ANK3: variants seen among roughly 807,000 people sequenced by gnomAD.
The protein encoded by ANK3 is ankyrin 3.
ANK3 carries 57 observed loss-of-function variants against 370.9 expected under a neutral mutation model. That is an observed-to-expected ratio of 0.15 (90% CI 0.12 to 0.19). The LOEUF (loss-of-function observed/expected upper bound fraction) is 0.19. Among genes scored for constraint, ANK3 ranks in the 10% least tolerant of loss-of-function variants. ANK3 has a pLI of 1.00. For synonymous variants in ANK3, 1,929 were observed against 1,946.3 expected, an observed-to-expected ratio of 0.99 and a Z score of 0.23; for missense variants, 4,439 against 5,302.1, an observed-to-expected ratio of 0.84 and a Z score of 5.06.
At chr10:60,694,734 G>C (rs2133408116) in intron 1 of ANK3, among the ~76,000 whole-genome samples, 1 of 151,998 alleles carries the variant, frequency 6.6e-6, no homozygotes, top group East Asian at 1.9e-4. Context: ...CCCTAAAAGA[G>C]CTCCCGAAGG....
intron 2 of ANK3, among the ~76,000 whole-genome samples, chr10:60,591,303 T>TTTTATTTTA (rs2077908459): frequency 7.3e-6 from 1 of 137,562 alleles, no homozygotes; most frequent in Admixed American, 7.4e-5. Flanking sequence ...TTTATTTTTA[T>TTTTATTTTA]TTTATTTATT....
intron 2 of ANK3, among the ~76,000 whole-genome samples, chr10:60,448,474 A>C (rs780360225): frequency 1.3e-5 from 2 of 152,208 alleles, no homozygotes; most frequent in African/African-American, 2.4e-5. Context: ...GGTTAGATGC[A>C]TTTTACTGAC....
intron 2 of ANK3, among the ~76,000 whole-genome samples, chr10:60,516,738 A>G (rs1270651036): frequency 1.3e-5 from 2 of 152,114 alleles, no homozygotes; most frequent in Admixed American, 6.6e-5. Context: ...GTGAATAGCC[A>G]CTGCACGCTA....
intron 42 of ANK3, chr10:60,044,648 T>C (rs1327578340): frequency 1.3e-5 from 2 of 152,198 alleles, no homozygotes; most frequent in African/African-American, 4.8e-5. Flanking sequence ...CTTCATATGT[T>C]GAGACAAATT....
intron 1 of ANK3, among the ~76,000 whole-genome samples, chr10:60,698,358 T>A (rs1407792526): frequency 6.6e-6 from 1 of 151,538 alleles, no homozygotes; most frequent in Admixed American, 6.6e-5. Flanking sequence ...TCCTCAGGGA[T>A]CTAGAACTAG....
chr10:60,559,076 T>C (rs2077274898), intron 2 of ANK3, among the ~76,000 whole-genome samples: 1 of 152,212 alleles, frequency 6.6e-6, no homozygotes, highest in South Asian at 2.1e-4. Context: ...GCAATGCTTT[T>C]AACACTAATG....
chr10:60,349,709 T>C (rs549614099), intron 1 of ANK3, among the ~76,000 whole-genome samples: 1 of 152,252 alleles, frequency 6.6e-6, no homozygotes, highest in East Asian at 1.9e-4. Context: ...ATATAAATAG[T>C]AGCAATCATT....
At chr10:60,068,428 G>A (rs1026600053) in intron 37 of ANK3, among the ~76,000 whole-genome samples, 1 of 152,194 alleles carries the variant, frequency 6.6e-6, no homozygotes, top group South Asian at 2.1e-4. Context: ...TGTCTACCGT[G>A]TAGTTTGATC....
At chr10:60,260,651 T>G (rs912882551) in intron 7 of ANK3, among the ~76,000 whole-genome samples, 2 of 152,170 alleles carry the variant, frequency 1.3e-5, no homozygotes, top group African/African-American at 4.8e-5. Context: ...TTTAGCACCA[T>G]CTGCTTGGTG....
At chr10:60,066,978 G>A (rs1034295765) in intron 38 of ANK3, among the ~76,000 whole-genome samples, 6 of 152,132 alleles carry the variant, frequency 3.9e-5, no homozygotes, top group African/African-American at 1.4e-4. Context: ...GGAGTGCAGT[G>A]GTGCAATCTC....
chr10:60,632,174 T>C (rs1004217503), intron 1 of ANK3, among the ~76,000 whole-genome samples: 1 of 82,844 alleles, frequency 1.2e-5, no homozygotes, highest in African/African-American at 3.9e-5. Context: ...ACTTAAAAAA[T>C]ACCATTTAAT....
At chr10:60,625,697 T>C (rs2078399866) in intron 1 of ANK3, among the ~76,000 whole-genome samples, 1 of 152,188 alleles carries the variant, frequency 6.6e-6, no homozygotes, top group Admixed American at 6.5e-5. Flanking sequence ...TCCTGTTTGA[T>C]AAATTACTGG....
At chr10:60,080,457 G>A (rs1187205753) in intron 36 of ANK3, 80 bp downstream of exon 36, 1 of 1,240,332 alleles carries the variant, frequency 8.1e-7, no homozygotes, top group East Asian at 2.4e-5. Flanking sequence ...GTTTCCAAAT[G>A]ATAAAATTTG....
intron 2 of ANK3, among the ~76,000 whole-genome samples, chr10:60,453,049 A>C (rs2064651975): frequency 6.6e-6 from 1 of 152,254 alleles, no homozygotes; most frequent in Non-Finnish European, 1.5e-5. Context: ...AAAGAAAACT[A>C]AATTTATGAA....
chr10:60,618,753 C>T (rs944093465), intron 1 of ANK3, among the ~76,000 whole-genome samples: 6 of 151,918 alleles, frequency 3.9e-5, no homozygotes, highest in African/African-American at 1.5e-4. Context: ...AAGATTTGGC[C>T]CATCCGCTTT....
chr10:60,364,809 C>T (rs111760693), intron 1 of ANK3, among the ~76,000 whole-genome samples: 2 of 149,956 alleles, frequency 1.3e-5, no homozygotes, highest in Non-Finnish European at 3.0e-5. Flanking sequence ...GGACAATTTA[C>T]AAAACTGTAA....
At chr10:60,397,573 G>A (rs1480079483) in intron 2 of ANK3, among the ~76,000 whole-genome samples, 1 of 152,120 alleles carries the variant, frequency 6.6e-6, no homozygotes, top group Non-Finnish European at 1.5e-5. Flanking sequence ...AACACAGATT[G>A]GCACTCAGGG....
At chr10:60,136,000 C>T (rs2094325806) in intron 24 of ANK3, among the ~76,000 whole-genome samples, 1 of 151,634 alleles carries the variant, frequency 6.6e-6, no homozygotes, top group Non-Finnish European at 1.5e-5. Context: ...AGCATAATTC[C>T]TGCACAGAGG....
intron 2 of ANK3, among the ~76,000 whole-genome samples, chr10:60,478,250 T>C (rs2075123560): frequency 6.6e-6 from 1 of 152,086 alleles, no homozygotes; most frequent in Non-Finnish European, 1.5e-5. Flanking sequence ...CATGGTCCAA[T>C]TTCAAGTTCA....
Sources: gnomAD v4.1 joint callset for allele counts (sites outside exome capture counted in the v4.1 genomes callset) on GRCh38, gnomAD v4.1.1 for gene constraint, MANE v1.5 for transcripts, NCBI Gene and HGNC (gene_info 2026-07-23, HGNC 2026-07-21) for gene names.